CSGALNACT1: variants seen among roughly 807,000 people sequenced by gnomAD.
CSGALNACT1 encodes the protein chondroitin sulfate N-acetylgalactosaminyltransferase 1, also known as beta4GalNAcT-1.
A neutral mutation model predicts 51.0 loss-of-function variants in CSGALNACT1; 52 were observed. That is an observed-to-expected ratio of 1.02 (90% CI 0.82 to 1.29). The LOEUF is 1.29. Among genes scored for constraint, CSGALNACT1 ranks in the 50% most tolerant of loss-of-function variants. The pLI is 0.00. For missense variants in CSGALNACT1, 935 were observed against 679.2 expected (o/e 1.38, Z -4.19); for synonymous variants, 341 against 254.4 (o/e 1.34, Z -3.24).
chr8:19,693,791 G>A (rs958167004), intron 1 of CSGALNACT1, among the ~76,000 whole-genome samples: 7 of 152,054 alleles, frequency 4.6e-5, no homozygotes, highest in African/African-American at 1.7e-4. Context: ...AGTCTCCACT[G>A]GTATCTGCTA....
chr8:19,634,988 C>T (rs576488526), intron 1 of CSGALNACT1, among the ~76,000 whole-genome samples: 21 of 152,280 alleles, frequency 1.4e-4, no homozygotes, highest in South Asian at 1.0e-3. Flanking sequence ...TCTGTCATAT[C>T]GATTTTGGAA....
upstream of CSGALNACT1, among the ~76,000 whole-genome samples, chr8:19,686,176 C>A (rs1246377770): frequency 6.6e-6 from 1 of 152,106 alleles, no homozygotes; most frequent in Non-Finnish European, 1.5e-5. Flanking sequence ...AGCGGACTGA[C>A]AAGGACCCCC....
At chr8:19,412,908 G>C (rs1011808258) in intron 8 of CSGALNACT1, among the ~76,000 whole-genome samples, 3 of 152,120 alleles carry the variant, frequency 2.0e-5, no homozygotes, top group African/African-American at 7.2e-5. Flanking sequence ...CAGGAGGGCT[G>C]CATGCCCTCT....
chr8:19,511,240 G>A (rs544818228), intron 3 of CSGALNACT1, among the ~76,000 whole-genome samples: 1 of 152,224 alleles, frequency 6.6e-6, no homozygotes, highest in African/African-American at 2.4e-5. Context: ...CCCGTGTGCA[G>A]ACACAGCCAA....
chr8:19,463,695 C>G (rs2066053126), intron 4 of CSGALNACT1, among the ~76,000 whole-genome samples: 1 of 152,180 alleles, frequency 6.6e-6, no homozygotes, highest in Non-Finnish European at 1.5e-5. Flanking sequence ...GACTTTGGAG[C>G]TAGCTTAGAT....
intron 6 of CSGALNACT1, among the ~76,000 whole-genome samples, chr8:19,428,180 G>T (rs947936875): frequency 6.6e-6 from 1 of 152,050 alleles, no homozygotes; most frequent in African/African-American, 2.4e-5. Context: ...GCATCCCTCC[G>T]TTTCCCACAC....
intron 4 of CSGALNACT1, among the ~76,000 whole-genome samples, chr8:19,464,608 C>A (rs1327298895): frequency 6.6e-6 from 1 of 152,100 alleles, no homozygotes; most frequent in African/African-American, 2.4e-5. Flanking sequence ...AGGAGGGGAG[C>A]AGTGGGTGAG....
intron 1 of CSGALNACT1, among the ~76,000 whole-genome samples, chr8:19,706,712 A>G (rs2062188980): frequency 6.6e-6 from 1 of 151,910 alleles, no homozygotes; most frequent in Admixed American, 6.6e-5. Flanking sequence ...AGGTGTGGGC[A>G]CTCCCGGCTC....
intron 1 of CSGALNACT1, among the ~76,000 whole-genome samples, chr8:19,620,430 C>CTTTTTT (rs35123924): frequency 2.8e-5 from 4 of 142,116 alleles, no homozygotes; most frequent in Non-Finnish European, 4.6e-5. Flanking sequence ...GGAAAAGAAT[C>CTTTTTT]TTTTTTTTTT....
Position 19,570,092 on chromosome 8 carries a change from A to ATTT in CSGALNACT1, c.-297+21065_-297+21067dup, listed in dbSNP as rs35994246. 2.7e-3 allele frequency among the ~76,000 whole-genome samples: 397 copies of ATTT among 144,594 alleles called. 4 individuals are homozygous for ATTT. The highest frequency in any genetic ancestry group is 8.6e-3 in the African/African-American group (342 of 39,674). 94.9% of individuals were successfully genotyped at this position (144,594 alleles called of 152,430 possible). A position where few individuals can be genotyped will look rare whatever the true frequency, so the allele number is the denominator to read the frequency against. On this transcript the variant is annotated intron_variant, in intron 3 of 9. Transcript: ENST00000454498. ...GGAAGGGAGGGTAGATTGGGGGCCT[A>ATTT]TTTTTTTTTTTTGGTTCTAGAAGTG...
chr8:19,550,791 T>C (rs2087836600), intron 3 of CSGALNACT1, among the ~76,000 whole-genome samples: 1 of 152,178 alleles, frequency 6.6e-6, no homozygotes, highest in East Asian at 1.9e-4. Flanking sequence ...ATAAGCCCCA[T>C]TGTCAGAGTT....
At chr8:19,513,450 A>C (rs867225158) in intron 3 of CSGALNACT1, among the ~76,000 whole-genome samples, 6,313 of 139,148 alleles carry the variant, frequency 0.045, 569 homozygotes, top group African/African-American at 0.15. Flanking sequence ...ATATATATAT[A>C]TATATATATA....
At chr8:19,475,183 A>G (rs1586801650) in intron 4 of CSGALNACT1, among the ~76,000 whole-genome samples, 1 of 152,324 alleles carries the variant, frequency 6.6e-6, no homozygotes. Context: ...ACTTGACCAG[A>G]GTGTACAAGA....
rs540347889 is a variant in CSGALNACT1, at chr8:19,566,238, C to T, written c.-297+24922G>A. 2.0e-5 allele frequency among the ~76,000 whole-genome samples: 3 copies of T among 152,144 alleles called. 1 individual carries two copies. The South Asian group carries it at 6.2e-4, about 32-fold the overall frequency. ...AAGAGAGAGGCAGAGGGAGTTTTGA[C>T]ACAGAAGAGGAAGGAGCAATGTGAC... On this transcript the variant is annotated intron_variant, in intron 3 of 9. Coordinates refer to ENST00000454498, the Ensembl canonical transcript of CSGALNACT1.
chr8:19,649,720 G>A (rs2057605645), intron 1 of CSGALNACT1, among the ~76,000 whole-genome samples: 1 of 147,206 alleles, frequency 6.8e-6, no homozygotes, highest in South Asian at 2.2e-4. Flanking sequence ...GGTTGAGGTT[G>A]TTCGTTTACT....
chr8:19,509,414 G>A (rs1459901940), intron 3 of CSGALNACT1, among the ~76,000 whole-genome samples: 1 of 151,978 alleles, frequency 6.6e-6, no homozygotes, highest in Non-Finnish European at 1.5e-5. Context: ...AAGGTCAGGA[G>A]TTCAAGACCA....
intron 4 of CSGALNACT1, 27 bp from the exon 4 acceptor site, chr8:19,458,669 A>G: frequency 1.2e-6 from 2 of 1,608,218 alleles, no homozygotes; most frequent in Non-Finnish European, 1.7e-6. Flanking sequence ...AAGGAAAGAT[A>G]GTTCTAAAAA....
intron 3 of CSGALNACT1, among the ~76,000 whole-genome samples, chr8:19,586,224 G>A (rs367730904): frequency 4.6e-5 from 7 of 151,752 alleles, no homozygotes; most frequent in Admixed American, 6.6e-5. Context: ...TTATCCGGGC[G>A]TGGTGGTGAG....
intron 1 of CSGALNACT1, among the ~76,000 whole-genome samples, chr8:19,719,302 C>A (rs1245801852): frequency 6.6e-6 from 1 of 152,146 alleles, no homozygotes; most frequent in East Asian, 1.9e-4. Context: ...AGCTAGAATT[C>A]TTTCCCATGC....
Sources: allele counts gnomAD v4.1 joint callset (sites outside exome capture counted in the v4.1 genomes callset), GRCh38; gene constraint gnomAD v4.1.1; transcripts MANE v1.5; gene names NCBI Gene and HGNC (gene_info 2026-07-23, HGNC 2026-07-21).